TSC22D1: variants seen among roughly 807,000 people sequenced by gnomAD.
The protein encoded by TSC22D1 is TSC22 domain family protein 1.
A neutral mutation model predicts 74.2 loss-of-function variants in TSC22D1; 9 were observed. That is an observed-to-expected ratio of 0.12 (90% CI 0.07 to 0.21). TSC22D1 has a LOEUF of 0.21. TSC22D1 is among the 10% of genes least tolerant of loss of function. TSC22D1 has a pLI of 1.00. For synonymous variants in TSC22D1, 586 were observed against 492.5 expected (o/e 1.19, Z -2.51); for missense variants, 1,427 against 1,304.7 (o/e 1.09, Z -1.44).
At chr13:44,536,630 G>T in intron 1 of TSC22D1, 4 of 616,216 alleles carry the variant, frequency 6.5e-6, no homozygotes, top group Non-Finnish European at 8.1e-6. Context: ...GTTCTTCTGG[G>T]TAAAGGAACT....
chr13:44,482,912 A>G (rs1175286671), intron 1 of TSC22D1, among the ~76,000 whole-genome samples: 2 of 152,248 alleles, frequency 1.3e-5, no homozygotes, highest in African/African-American at 4.8e-5. Flanking sequence ...CTTTAGAAAG[A>G]TATTTATGCT....
In TSC22D1 at chr13:44,434,708, G is replaced by A. The variant is rs771422980; in HGVS notation, c.3140C>T (p.Ser1047Phe). The A allele has an allele frequency of 1.9e-6, 3 of 1,611,902 alleles. No individual in the cohort carries two copies. Among genetic ancestry groups the A allele is most frequent in the African/African-American group, 1.3e-5 (1 of 74,868 alleles). The change falls in exon 3 of 3, where the codon TCC (serine) becomes TTC (phenylalanine). Residue 1047 changes from serine to phenylalanine, a missense_variant. This residue lies in a region of TSC22D1 where 63 missense variants were observed against 50.5 expected (regional missense o/e 1.25). Transcript: ENST00000458659. ...CTGTGGCTGGGTGGTGGCAGGGGGG[G>A]AGCCAGTCTGCAGCTGGGCCTGAAA... is the stretch of plus-strand genomic sequence containing the variant. ...AQFQAQLQTG[S>F]PPATTQPQGT...
intron 1 of TSC22D1, among the ~76,000 whole-genome samples, chr13:44,487,932 C>A (rs1406948833): frequency 6.6e-6 from 1 of 152,024 alleles, no homozygotes; most frequent in East Asian, 1.9e-4. Context: ...GTGGTGCACG[C>A]CTGTAATCCC....
intron 1 of TSC22D1, among the ~76,000 whole-genome samples, chr13:44,484,768 C>A (rs748502182): frequency 4.6e-5 from 7 of 152,184 alleles, no homozygotes; most frequent in Non-Finnish European, 7.3e-5. Context: ...TTTCCCACAT[C>A]GAACCTCAAG....
rs1480010068 is a variant in TSC22D1, at chr13:44,433,169, C to T, written c.*1457G>A. On this transcript the variant is annotated 3_prime_UTR_variant, in exon 3 of 3. Coordinates refer to ENST00000458659, the MANE Select transcript of TSC22D1 (RefSeq NM_183422.4). ...TATACACAGAATAAGGCTCCTTCTT[C>T]CTCTCAGTTCAGTAAAAAATTAAGA... 6.6e-6 allele frequency: 1 copy of T among 152,100 alleles called. No homozygotes were observed. The highest frequency in any genetic ancestry group is 2.4e-5 in the African/African-American group (1 of 41,396). 9.4% of individuals were successfully genotyped at this position (152,100 alleles called of 1,614,324 possible).
Position 44,442,790 on chromosome 13 carries a change from C to T in TSC22D1, c.2913-6695G>A, listed in dbSNP as rs573571208. 2.0e-5 allele frequency among the ~76,000 whole-genome samples: 3 copies of T among 151,504 alleles called. No homozygotes were observed. In the South Asian group the frequency reaches 6.3e-4, roughly 32 times the overall value. ...AATAGCTGGGCGTTGTGGCACACAC[C>T]TGTAATTCCAGCTACCTGGGAGGCT... On this transcript the variant is annotated intron_variant, in intron 1 of 2. Transcript: ENST00000458659.
At chr13:44,437,826 G>C (rs2138857553) in intron 1 of TSC22D1, among the ~76,000 whole-genome samples, 1 of 152,252 alleles carries the variant, frequency 6.6e-6, no homozygotes, top group East Asian at 1.9e-4. Flanking sequence ...CTTGAAGTTA[G>C]TCTCTGCCCA....
chr13:44,436,830 C>A (rs978237902), intron 1 of TSC22D1: 29 of 1,348,360 alleles, frequency 2.2e-5, no homozygotes, highest in Middle Eastern at 2.6e-4. Context: ...CTTCCCAGAT[C>A]CGCAGCCGGG....
intron 1 of TSC22D1, among the ~76,000 whole-genome samples, chr13:44,544,245 A>G (rs1287165792): frequency 6.6e-6 from 1 of 152,172 alleles, no homozygotes; most frequent in African/African-American, 2.4e-5. Flanking sequence ...CAACAATTAC[A>G]GATTTCTAAT....
rs1555269353 is a variant in TSC22D1 at position 44,517,774 on chromosome 13, T to TATATATAC, written c.2912+55388_2912+55389insGTATATAT. 5.9e-3 allele frequency among the ~76,000 whole-genome samples: 713 copies of TATATATAC among 120,144 alleles called. 11 individuals are homozygous for TATATATAC. Among genetic ancestry groups the TATATATAC allele is most frequent in the African/African-American group, 0.02 (652 of 32,774 alleles). 78.8% of individuals were successfully genotyped at this position (120,144 alleles called of 152,430 possible). ...ATATATGTGTGTGTGTATATATATA[T>TATATATAC]ATACACATATATATACATATATATA... On this transcript the variant is annotated intron_variant, in intron 1 of 2. Transcript: ENST00000458659.
chr13:44,517,792 T>TACACATATATATAC (rs1399117341), intron 1 of TSC22D1, among the ~76,000 whole-genome samples: 2 of 127,116 alleles, frequency 1.6e-5, no homozygotes, highest in African/African-American at 2.9e-5. Flanking sequence ...TATATATACA[T>TACACATATATATAC]ATATATACAC....
At chr13:44,567,218 C>G (rs1883434245) in intron 1 of TSC22D1, among the ~76,000 whole-genome samples, 1 of 152,168 alleles carries the variant, frequency 6.6e-6, no homozygotes, top group South Asian at 2.1e-4. Flanking sequence ...GCCTTCAATT[C>G]CAAGCAAGAA....
rs562311456 is a variant in TSC22D1 at position 44,460,445 on chromosome 13, G to A, written c.2913-24350C>T. On this transcript the variant is annotated intron_variant, in intron 1 of 2. Transcript: ENST00000458659. ...TGACTTCATTGTTTTTGGTAAAAGG[G>A]CAACTCAAATTTTGCCTTAATCCCT... 3.9e-5 allele frequency among the ~76,000 whole-genome samples: 6 copies of A among 152,296 alleles called. No individual in the cohort carries two copies. The South Asian group carries it at 1.2e-3, about 32-fold the overall frequency.
intron 1 of TSC22D1, among the ~76,000 whole-genome samples, chr13:44,441,710 A>AT (rs1158866211): frequency 1.3e-5 from 2 of 152,108 alleles, no homozygotes; most frequent in African/African-American, 4.8e-5. Context: ...GAGAACTGCT[A>AT]TTTTTTTCTA....
At chr13:44,506,508 G>A (rs1879454820) in intron 1 of TSC22D1, among the ~76,000 whole-genome samples, 1 of 152,172 alleles carries the variant, frequency 6.6e-6, no homozygotes, top group South Asian at 2.1e-4. Flanking sequence ...ACAGCATCAG[G>A]AAGAATAGCT....
At chr13:44,472,978 A>G (rs987986970) in intron 1 of TSC22D1, among the ~76,000 whole-genome samples, 4 of 152,198 alleles carry the variant, frequency 2.6e-5, no homozygotes, top group Admixed American at 6.5e-5. Context: ...GGGAAGCCCA[A>G]TTATGACGGA....
At chr13:44,500,095 GAAAAAAA>G (rs751648270) in intron 1 of TSC22D1, among the ~76,000 whole-genome samples, 12 of 68,798 alleles carry the variant, frequency 1.7e-4, no homozygotes, top group Non-Finnish European at 3.0e-4. Flanking sequence ...TCTCAAAAAA[GAAAAAAA>G]AAAAAAAAAG....
intron 1 of TSC22D1, among the ~76,000 whole-genome samples, chr13:44,517,778 C>CATACACATATATAT (rs1185701350): frequency 4.4e-5 from 5 of 113,764 alleles, no homozygotes; most frequent in Non-Finnish European, 7.0e-5. Flanking sequence ...TATATATATA[C>CATACACATATATAT]ACATATATAT....
intron 1 of TSC22D1, among the ~76,000 whole-genome samples, chr13:44,559,482 G>A (rs1280113575): frequency 6.6e-6 from 1 of 152,022 alleles, no homozygotes; most frequent in Non-Finnish European, 1.5e-5. Flanking sequence ...ATTGTCAAAA[G>A]TACCACAACA....
Sources: allele counts gnomAD v4.1 joint callset (sites outside exome capture counted in the v4.1 genomes callset), GRCh38; gene constraint gnomAD v4.1.1; regional missense constraint gnomAD v4.1.1; transcripts MANE v1.5; gene names NCBI Gene and HGNC (gene_info 2026-07-23, HGNC 2026-07-21).